The following PDXDC1 variants were observed in gnomAD, a reference collection of about 807,000 sequenced individuals.
PDXDC1 encodes pyridoxal-dependent decarboxylase domain-containing protein 1.
In PDXDC1, 42 loss-of-function variants were observed where a neutral mutation model predicts 100.1. The ratio of observed to expected loss-of-function variants is 0.42; its 90% CI spans 0.33 to 0.54. The LOEUF is 0.54. PDXDC1 is among the 20% of genes least tolerant of loss of function. The pLI, the probability that PDXDC1 is intolerant of heterozygous loss-of-function variation, is 0.10. For synonymous variants in PDXDC1, 260 were observed against 371.7 expected (o/e 0.70, Z 3.46); for missense variants, 636 against 979.2 (o/e 0.65, Z 4.68).
intron 16 of PDXDC1, among the ~76,000 whole-genome samples, chr16:15,097,468 C>CAAAAAAAAAAAAAAAAAAAA (rs71152407): frequency 1.5e-5 from 1 of 65,854 alleles, no homozygotes; most frequent in Non-Finnish European, 2.6e-5. Flanking sequence ...ACTAAAAATA[C>CAAAAAAAAAAAAAAAAAAAA]AAAAAAAAAA....
the PDXDC1 span, among the ~76,000 whole-genome samples, chr16:15,150,453 C>T: frequency 6.6e-6 from 1 of 151,220 alleles, no homozygotes; most frequent in Admixed American, 6.6e-5. Flanking sequence ...TCACCTAAGG[C>T]CAAGAGTTCA....
Position 14,985,281 on chromosome 16 carries a change from C to CTTT in PDXDC1, c.21+10083_21+10085dup, listed in dbSNP as rs769346480. ...CAGTTTTGGAAGATATGATAAACAACTTTTTTTTTTTTTTTTTTTTTTTTG... is the reference window on the plus strand; with the variant it reads ...CAGTTTTGGAAGATATGATAAACAACTTTTTTTTTTTTTTTTTTTTTTTTTTTG... On this transcript the variant is annotated intron_variant, in intron 1 of 22. Transcript: ENST00000396410. 6.8e-3 allele frequency among the ~76,000 whole-genome samples: 778 copies of CTTT among 114,384 alleles called. 1 individual carries two copies. Among genetic ancestry groups the CTTT allele is most frequent in the Non-Finnish European group, 0.01 (582 of 57,436 alleles). 75.0% of individuals were successfully genotyped at this position (114,384 alleles called of 152,430 possible).
intron 16 of PDXDC1, among the ~76,000 whole-genome samples, chr16:15,089,057 C>A (rs1201558855): frequency 6.6e-6 from 1 of 152,124 alleles, no homozygotes; most frequent in Non-Finnish European, 1.5e-5. Flanking sequence ...AATCCCAGCA[C>A]TTTGGGAGGC....
At chr16:15,130,492 C>G (rs1435836697) in intron 16 of PDXDC1, 1 of 1,381,350 alleles carries the variant, frequency 7.2e-7, no homozygotes, top group Admixed American at 1.7e-5. Context: ...AGCCCAGGCT[C>G]CGCCAGGTTG....
Position 15,026,806 on chromosome 16 carries a change from A to T in PDXDC1, c.1204+100A>T, listed in dbSNP as rs187052544. On this transcript the variant is annotated intron_variant, in intron 14 of 22. Transcript: ENST00000396410. ...ATAGTTCAAAATATTTTTATTGCTG[A>T]CAATCTTCAGTCAGCATTTCAGAAA... 243 of 1,231,666 alleles carry T rather than the reference A, an allele frequency of 2.0e-4. No individual in the cohort carries two copies. The African/African-American group carries it at 3.5e-3, about 18-fold the overall frequency. The allele number at this position is 1,231,666 out of a possible 1,614,324, so 76.3% of individuals were successfully genotyped here.
At chr16:15,055,762 C>T (rs1202803611) in intron 16 of PDXDC1, 17 of 459,538 alleles carry the variant, frequency 3.7e-5, no homozygotes, top group Non-Finnish European at 5.9e-5. Context: ...AAGACGCGAG[C>T]CGACGGCCGG....
At chr16:15,087,185 G>C (rs2045943310) in intron 16 of PDXDC1, among the ~76,000 whole-genome samples, 1 of 152,088 alleles carries the variant, frequency 6.6e-6, no homozygotes, top group Non-Finnish European at 1.5e-5. Flanking sequence ...GGAAGGCTTA[G>C]ACATATAAAT....
At chr16:15,073,095 T>C in intron 16 of PDXDC1, 1 of 1,602,832 alleles carries the variant, frequency 6.2e-7, no homozygotes, top group Non-Finnish European at 8.5e-7. Context: ...GGAGAAAATC[T>C]GGCATCTCAG....
chr16:15,046,930 C>T (rs1004560739), intron 16 of PDXDC1, among the ~76,000 whole-genome samples: 1 of 152,042 alleles, frequency 6.6e-6, no homozygotes, highest in Non-Finnish European at 1.5e-5. Context: ...TAGCGGTCCC[C>T]ACATCTTCCT....
chr16:14,980,754 C>A (rs575144376), intron 1 of PDXDC1, among the ~76,000 whole-genome samples: 2 of 152,406 alleles, frequency 1.3e-5, no homozygotes, highest in East Asian at 3.9e-4. Context: ...CATGAGCCAC[C>A]GCGCCTGGCC....
intron 16 of PDXDC1, chr16:15,131,082 C>T (rs181894269): frequency 4.5e-5 from 73 of 1,605,518 alleles, no homozygotes; most frequent in Admixed American, 1.5e-4. Context: ...ACCCGCTGCA[C>T]GCACCGTCCA....
intron 1 of PDXDC1, among the ~76,000 whole-genome samples, chr16:14,982,389 G>A (rs374439876): frequency 6.3e-4 from 96 of 152,384 alleles, no homozygotes; most frequent in African/African-American, 2.2e-3. Context: ...TTGGGAGGCC[G>A]AGGTGGGTGG....
chr16:15,132,861 G>A, intron 16 of PDXDC1: 1 of 1,588,972 alleles, frequency 6.3e-7, no homozygotes, highest in East Asian at 2.2e-5. Flanking sequence ...GCCACGTCCA[G>A]GGCCCGCTCG....
chr16:15,082,965 T>G (rs1488379745), intron 16 of PDXDC1, among the ~76,000 whole-genome samples: 1 of 152,204 alleles, frequency 6.6e-6, no homozygotes, highest in Non-Finnish European at 1.5e-5. Context: ...CAGATATTCC[T>G]GAAATGAACT....
At chr16:15,077,075 G>C (rs541521190) in intron 16 of PDXDC1, among the ~76,000 whole-genome samples, 3 of 151,690 alleles carry the variant, frequency 2.0e-5, no homozygotes, top group African/African-American at 7.3e-5. Flanking sequence ...CGCCCCCCAG[G>C]TTCAAGAGAT....
intron 16 of PDXDC1, chr16:15,130,757 CA>C: frequency 7.6e-7 from 1 of 1,316,576 alleles, no homozygotes; most frequent in Non-Finnish European, 1.1e-6. Flanking sequence ...GGTAGACTGC[CA>C]GGTAGGGCTC....
At chr16:15,021,426 C>G (rs2042197316) in intron 12 of PDXDC1, among the ~76,000 whole-genome samples, 1 of 152,262 alleles carries the variant, frequency 6.6e-6, no homozygotes, top group African/African-American at 2.4e-5. Context: ...ATTATGTTTA[C>G]AAAAGCACTG....
At chr16:15,091,377 C>G (rs2046124287) in intron 16 of PDXDC1, 1 of 1,575,086 alleles carries the variant, frequency 6.3e-7, no homozygotes, top group African/African-American at 1.3e-5. Flanking sequence ...TCACCCTTAA[C>G]AAGAAGGGGA....
In PDXDC1 at chr16:14,988,566, T is replaced by C; in HGVS notation, c.22-9187T>C. ...GTGGCCCGTGGGCGCCGAGGTCAGC[T>C]CCACTGGCTCGTCCAGGCAGCCTGC... On this transcript the variant is annotated intron_variant, in intron 1 of 22. Coordinates refer to ENST00000396410, the MANE Select transcript of PDXDC1 (RefSeq NM_015027.4). 2.5e-6 allele frequency: 4 copies of C among 1,612,572 alleles called. No individual in the cohort carries two copies. In the South Asian group the frequency reaches 3.3e-5, roughly 13 times the overall value.
Sources: allele counts gnomAD v4.1 joint callset (sites outside exome capture counted in the v4.1 genomes callset), GRCh38; gene constraint gnomAD v4.1.1; transcripts MANE v1.5; gene names NCBI Gene and HGNC (gene_info 2026-07-23, HGNC 2026-07-21).